Variants in APPL1 observed in about 807,000 individuals in gnomAD.
APPL1 encodes the protein adaptor protein, phosphotyrosine interacting with PH domain and leucine zipper 1.
A neutral mutation model predicts 106.8 loss-of-function variants in APPL1; 42 were observed. That is an observed-to-expected ratio of 0.39 (90% CI 0.31 to 0.51). The LOEUF is 0.51. APPL1 is among the 20% of genes least tolerant of loss of function. The probability of loss-of-function intolerance (pLI) is 0.75; values close to 1 mark genes in which losing one functional copy is unlikely to be tolerated. For synonymous variants in APPL1, 263 were observed against 281.8 expected (o/e 0.93, Z 0.67); for missense variants, 769 against 858.2 (o/e 0.90, Z 1.30).
At chr3:57,243,482 G>A (rs2060757243) in intron 7 of APPL1, among the ~76,000 whole-genome samples, 1 of 151,638 alleles carries the variant, frequency 6.6e-6, no homozygotes, top group African/African-American at 2.4e-5. Flanking sequence ...TGATGTGTAG[G>A]TCTTTCTAGA....
chr3:57,227,992 G>C (rs1202058380), intron 1 of APPL1, 55 bp downstream of exon 1: 1 of 1,344,570 alleles, frequency 7.4e-7, no homozygotes, highest in Admixed American at 2.7e-5. Flanking sequence ...CCGACCCCAG[G>C]TCTGGCGCCT....
intron 13 of APPL1, 30 bp from the exon 14 acceptor site, chr3:57,256,927 A>G (rs748955180): frequency 1.9e-6 from 3 of 1,592,194 alleles, no homozygotes; most frequent in Non-Finnish European, 2.6e-6. Flanking sequence ...CTTTACTAAT[A>G]TTAGTCCTTT....
chr3:57,242,662 A>G lies in APPL1; in HGVS notation c.416-194A>G, dbSNP rs1513470. ...TTAGTTTCCTTGGAATTAATTTTTT[A>G]AAAACCAATTTGAGAAGTAGACACA... is the stretch of plus-strand genomic sequence containing the variant. On this transcript the variant is annotated intron_variant, in intron 6 of 21. Coordinates refer to ENST00000288266, the MANE Select transcript of APPL1 (RefSeq NM_012096.3). Among the ~76,000 whole-genome samples the G allele has an allele frequency of 7.6e-3, 1,156 of 152,320 alleles. 15 individuals carry two copies. The highest frequency in any genetic ancestry group is 0.026 in the African/African-American group (1,075 of 41,576).
intron 15 of APPL1, 154 bp from the exon 16 acceptor site, chr3:57,258,874 A>G (rs183971146): frequency 9.3e-5 from 52 of 560,372 alleles, no homozygotes; most frequent in Non-Finnish European, 9.4e-6. Flanking sequence ...GGCCTTCATC[A>G]TAGTAATTTA....
intron 11 of APPL1, among the ~76,000 whole-genome samples, chr3:57,251,909 C>G (rs1559511157): frequency 6.6e-6 from 1 of 151,886 alleles, no homozygotes; most frequent in African/African-American, 2.4e-5. Context: ...CTATTAGGAT[C>G]ATTGATGTAT....
chr3:57,231,669 G>A (rs570996101), intron 1 of APPL1, among the ~76,000 whole-genome samples: 38 of 152,026 alleles, frequency 2.5e-4, no homozygotes, highest in African/African-American at 8.9e-4. Context: ...TTAGCTGGGC[G>A]TGGTGGCATG....
In APPL1 at chr3:57,240,013, T is replaced by C. The variant is rs187337262; in HGVS notation, c.286-452T>C. The stretch of plus-strand genomic sequence containing the variant: ...TTTGTTTATCTTTGAAGAAATTATA[T>C]AGATCCTTTGCCCGTTTTTAAATTG... On this transcript the variant is annotated intron_variant, in intron 4 of 21. Coordinates refer to ENST00000288266, the MANE Select transcript of APPL1 (RefSeq NM_012096.3). Among the ~76,000 whole-genome samples the C allele has an allele frequency of 1.2e-3, 184 of 152,266 alleles. 1 individual carries two copies. The highest frequency in any genetic ancestry group is 4.3e-3 in the African/African-American group (177 of 41,578).
chr3:57,268,457 A>G lies in APPL1; in HGVS notation c.1953A>G (p.Lys651=), dbSNP rs1302649656. 3.7e-6 allele frequency: 6 copies of G among 1,605,264 alleles called. No individual in the cohort carries two copies. The highest frequency in any genetic ancestry group is 2.2e-5 in the East Asian group (1 of 44,650). The part of the protein sequence containing the change: ...EIERVKEKQQ[K]ELNKQKQIEK... ...AGAGAGTAAAAGAGAAGCAACAGAA[A>G]GAACTCAATAAACAAAAACAGATTG... Residue 651 remains lysine (K), a synonymous_variant, in exon 21 of 22, where the codon AAA becomes AAG. Transcript: ENST00000288266.
intron 10 of APPL1, among the ~76,000 whole-genome samples, chr3:57,249,031 G>C (rs970875311): frequency 3.3e-5 from 5 of 152,116 alleles, no homozygotes; most frequent in African/African-American, 1.2e-4. Flanking sequence ...GGATGAAGCA[G>C]GTTAACCCTA....
At chr3:57,239,848 T>C (rs1468774787) in intron 4 of APPL1, among the ~76,000 whole-genome samples, 2 of 152,200 alleles carry the variant, frequency 1.3e-5, no homozygotes, top group Admixed American at 6.5e-5. Flanking sequence ...CCAACAATTA[T>C]TTTAGTTTGT....
intron 15 of APPL1, among the ~76,000 whole-genome samples, chr3:57,258,348 C>T (rs533990115): frequency 3.9e-5 from 6 of 152,272 alleles, no homozygotes; most frequent in African/African-American, 4.8e-5. Flanking sequence ...TTGGTAGAGA[C>T]GGGTTCTTCC....
At chr3:57,236,609 T>C (rs1579381721) in intron 2 of APPL1, among the ~76,000 whole-genome samples, 1 of 152,236 alleles carries the variant, frequency 6.6e-6, no homozygotes, top group East Asian at 1.9e-4. Context: ...ATTACAGGCG[T>C]GAGCCACTGC....
chr3:57,260,476 T>C, intron 18 of APPL1, 152 bp from the exon 19 acceptor site: 1 of 671,592 alleles, frequency 1.5e-6, no homozygotes, highest in Non-Finnish European at 2.2e-6. Flanking sequence ...AAATATGACA[T>C]TACTTGTTTC....
Position 57,269,765 on chromosome 3 carries a change from T to C in APPL1, c.*78T>C. On this transcript the variant is annotated 3_prime_UTR_variant, in exon 22 of 22. Coordinates refer to ENST00000288266, the MANE Select transcript of APPL1 (RefSeq NM_012096.3). ...AAATGGCAGAAGGTAACAACTATGT[T>C]GAAATATCAAGGAGGAGATTAAGCT... 6.8e-7 allele frequency: 1 copy of C among 1,481,114 alleles called. No individual in the cohort carries two copies. Among genetic ancestry groups the C allele is most frequent in the Non-Finnish European group, 9.3e-7 (1 of 1,073,358 alleles). 91.7% of individuals were successfully genotyped at this position (1,481,114 alleles called of 1,614,324 possible). A position where few individuals can be genotyped will look rare whatever the true frequency, so the allele number is the denominator to read the frequency against.
chr3:57,265,144 T>C (rs1443986258), intron 19 of APPL1, among the ~76,000 whole-genome samples: 3 of 151,760 alleles, frequency 2.0e-5, no homozygotes, highest in East Asian at 3.9e-4. Flanking sequence ...TTATAGTTTT[T>C]TGTTTTTTTT....
chr3:57,265,910 G>A (rs1269169237), intron 19 of APPL1, among the ~76,000 whole-genome samples: 2 of 152,150 alleles, frequency 1.3e-5, no homozygotes, highest in African/African-American at 4.8e-5. Flanking sequence ...ATGAAGGGAT[G>A]TTGAACTTTA....
In APPL1 at chr3:57,260,164, C is replaced by T. The variant is rs2060857791; in HGVS notation, c.1695+11C>T. 2 of 1,600,852 alleles carry T rather than the reference C, an allele frequency of 1.2e-6. No individual in the cohort carries two copies. The highest frequency in any genetic ancestry group is 1.7e-6 in the Non-Finnish European group (2 of 1,177,146). The stretch of plus-strand genomic sequence containing the variant: ...GTTACAAGGCTCACGGTGAGTTCCA[C>T]ATGATTTAAGCTTTGTTTTAGGTCC... On this transcript the variant is annotated intron_variant, in intron 18 of 21. Coordinates refer to ENST00000288266, the MANE Select transcript of APPL1 (RefSeq NM_012096.3).
chr3:57,249,311 G>T (rs1327162765), intron 10 of APPL1, 49 bp from the exon 11 acceptor site: 1 of 1,598,268 alleles, frequency 6.3e-7, no homozygotes, highest in South Asian at 1.1e-5. Flanking sequence ...CTGATGATGA[G>T]ATTTCAGGTA....
intron 20 of APPL1, 64 bp downstream of exon 20, chr3:57,267,856 C>A: frequency 6.5e-7 from 1 of 1,544,714 alleles, no homozygotes; most frequent in Non-Finnish European, 8.9e-7. Flanking sequence ...CATTGGGAGG[C>A]CGAGGCGGGC....
Sources: gnomAD v4.1 joint callset for allele counts (sites outside exome capture counted in the v4.1 genomes callset) on GRCh38, gnomAD v4.1.1 for gene constraint, MANE v1.5 for transcripts, NCBI Gene and HGNC (gene_info 2026-07-23, HGNC 2026-07-21) for gene names.